SOD2: variants seen among roughly 807,000 people sequenced by gnomAD.
SOD2 encodes superoxide dismutase [Mn], mitochondrial.
SOD2 carries 11 observed loss-of-function variants against 27.0 expected under a neutral mutation model. The observed-to-expected ratio is 0.41, with a 90% CI of 0.26 to 0.67. The LOEUF (loss-of-function observed/expected upper bound fraction) is 0.67, where lower values mean the gene tolerates loss of function less well. Ranked by LOEUF, SOD2 falls within the 30% of genes least tolerant of loss-of-function variation. SOD2 has a pLI of 0.34. For synonymous variants in SOD2, 105 were observed against 103.0 expected, an observed-to-expected ratio of 1.02 and a Z score of -0.12; for missense variants, 250 against 274.5, an observed-to-expected ratio of 0.91 and a Z score of 0.63.
At chr6:159,682,780 G>A in intron 4 of SOD2, 142 bp from the exon 5 acceptor site, 2 of 697,358 alleles carry the variant, frequency 2.9e-6, no homozygotes, top group Non-Finnish European at 4.3e-6. Context: ...TATATAAGTA[G>A]GAAATCTAGA....
chr6:159,702,825 G>A (rs1195198027), intron 1 of SOD2, among the ~76,000 whole-genome samples: 2 of 138,684 alleles, frequency 1.4e-5, no homozygotes, highest in African/African-American at 5.4e-5. Context: ...ACTCCAGCCT[G>A]GGCGACAGAG....
intron 1 of SOD2, chr6:159,753,329 T>G: frequency 8.0e-7 from 1 of 1,250,398 alleles, no homozygotes; most frequent in Non-Finnish European, 1.1e-6. Context: ...GAAAAGAAGA[T>G]GGTAATTATG....
intron 1 of SOD2, among the ~76,000 whole-genome samples, chr6:159,759,349 G>A (rs1780076205): frequency 6.9e-6 from 1 of 145,128 alleles, no homozygotes; most frequent in Non-Finnish European, 1.5e-5. Flanking sequence ...ATGAGCCACC[G>A]CGGCCGGCCA....
intron 1 of SOD2, chr6:159,755,137 C>T: frequency 5.6e-6 from 9 of 1,614,118 alleles, no homozygotes; most frequent in Non-Finnish European, 7.6e-6. Flanking sequence ...TGGCTCAGTA[C>T]CAGCAGCAGC....
upstream of SOD2, chr6:159,749,556 A>C (rs1227277662): frequency 1.9e-6 from 1 of 522,616 alleles, no homozygotes; most frequent in Non-Finnish European, 2.5e-6. Context: ...TGCTCTTCAA[A>C]GTGAAGGAAA....
intron 1 of SOD2, among the ~76,000 whole-genome samples, chr6:159,752,116 T>G (rs143572467): frequency 2.0e-4 from 31 of 151,708 alleles, no homozygotes; most frequent in African/African-American, 6.8e-4. Flanking sequence ...CTTCAAAGAT[T>G]GATAAAATAT....
chr6:159,710,288 T>TATATATATATATATATATAA (rs1323477194), intron 1 of SOD2, among the ~76,000 whole-genome samples: 1 of 147,798 alleles, frequency 6.8e-6, no homozygotes, highest in African/African-American at 2.5e-5. Context: ...TATATATATA[T>TATATATATATATATATATAA]AAAATACAAA....
At position 159,692,843 on chromosome 6, in the gene SOD2, G is replaced by A. The variant is rs372258485; in HGVS notation, c.44C>T (p.Pro15Leu). 5 of 1,610,500 alleles carry A rather than the reference G, an allele frequency of 3.1e-6. No individual in the cohort carries two copies. Among genetic ancestry groups the A allele is most frequent in the Admixed American group, 1.7e-5 (1 of 59,552 alleles). ...AVCGTSRQLAPVLGYLGSRQK... is the reference protein window; with the variant it reads ...AVCGTSRQLALVLGYLGSRQK... ...CCTGGAGCCCAGATACCCCAAAACC[G>A]GAGCCAGCTGCCTGCTGGTGCTGAA... is the stretch of plus-strand genomic sequence containing the variant. Residue 15 changes from proline (P) to leucine (L), a missense_variant, in exon 2 of 5, where the codon CCG becomes CTG. Physicochemically the swap from Pro to Leu is moderately conservative, Grantham distance 98. Transcript: ENST00000538183.
chr6:159,759,668 CAAA>C (rs1189023511), intron 1 of SOD2, among the ~76,000 whole-genome samples: 1 of 128,044 alleles, frequency 7.8e-6, no homozygotes. Flanking sequence ...AGCTCCGTCT[CAAA>C]AAAAAAAAAA....
At chr6:159,727,114 G>A (rs1353461751) in intron 1 of SOD2, 21 of 1,193,402 alleles carry the variant, frequency 1.8e-5, no homozygotes, top group South Asian at 1.5e-5. Flanking sequence ...CCCTCCCCTC[G>A]GCCGCTTCCC....
upstream of SOD2, among the ~76,000 whole-genome samples, chr6:159,693,632 C>A (rs913574224): frequency 6.6e-6 from 1 of 152,224 alleles, no homozygotes; most frequent in Non-Finnish European, 1.5e-5. Flanking sequence ...GCGGCGCCTG[C>A]CCCTGAGTTT....
chr6:159,727,480 G>T, upstream of SOD2: 2 of 994,226 alleles, frequency 2.0e-6, no homozygotes, highest in South Asian at 4.3e-5. Flanking sequence ...GCGGCGGGGC[G>T]GGGCCGGGCG....
At chr6:159,686,194 G>A (rs1780178890) in intron 3 of SOD2, among the ~76,000 whole-genome samples, 1 of 152,148 alleles carries the variant, frequency 6.6e-6, no homozygotes, top group African/African-American at 2.4e-5. Flanking sequence ...GGGTTTAAAA[G>A]TAATCATCTT....
chr6:159,690,286 A>G (rs1438355853), intron 2 of SOD2, among the ~76,000 whole-genome samples: 3 of 143,882 alleles, frequency 2.1e-5, no homozygotes, highest in Non-Finnish European at 4.6e-5. Flanking sequence ...GATTCCGTCA[A>G]AAAAAAAAAA....
chr6:159,756,660 G>A (rs1780018117), intron 1 of SOD2, among the ~76,000 whole-genome samples: 1 of 141,634 alleles, frequency 7.1e-6, no homozygotes, highest in South Asian at 2.2e-4. Context: ...CAAGTGCAGT[G>A]GTGCAGTCAT....
intron 1 of SOD2, among the ~76,000 whole-genome samples, chr6:159,756,488 A>C (rs1288034403): frequency 6.6e-6 from 1 of 151,556 alleles, no homozygotes; most frequent in Non-Finnish European, 1.5e-5. Flanking sequence ...TGCAAAACGG[A>C]GCTGGAGTTT....
chr6:159,703,981 T>G (rs549421554), intron 1 of SOD2, among the ~76,000 whole-genome samples: 1 of 152,332 alleles, frequency 6.6e-6, no homozygotes, highest in East Asian at 1.9e-4. Flanking sequence ...ACTGTTAAAC[T>G]TTTGTTTTCT....
chr6:159,678,989 C>A lies in SOD2; in HGVS notation c.*3504G>T, dbSNP rs1779841080. 6.6e-6 allele frequency: 1 copy of A among 152,188 alleles called. No individual in the cohort carries two copies. The highest frequency in any genetic ancestry group is 2.1e-4 in the South Asian group (1 of 4,832). 9.4% of individuals were successfully genotyped at this position (152,188 alleles called of 1,614,324 possible). Reference sequence around the variant, plus strand: ...TACAGATATGACTGGAGATACAGGTCTTGGTCTTAAGAGTAATATTTCAAC... The same window carrying A: ...TACAGATATGACTGGAGATACAGGTATTGGTCTTAAGAGTAATATTTCAAC... On this transcript the variant is annotated 3_prime_UTR_variant, in exon 5 of 5. Coordinates refer to ENST00000538183, the MANE Select transcript of SOD2 (RefSeq NM_000636.4).
At chr6:159,733,721 C>T (rs777928741) in intron 1 of SOD2, among the ~76,000 whole-genome samples, 154 of 151,986 alleles carry the variant, frequency 1.0e-3, no homozygotes, top group Non-Finnish European at 1.6e-3. Context: ...CCAGACCACC[C>T]TGACCAACAT....
Sources: gnomAD v4.1 joint callset for allele counts (sites outside exome capture counted in the v4.1 genomes callset) on GRCh38, gnomAD v4.1.1 for gene constraint, MANE v1.5 for transcripts, NCBI Gene and HGNC (gene_info 2026-07-23, HGNC 2026-07-21) for gene names.